PRKG1: variants seen among roughly 807,000 people sequenced by gnomAD.
PRKG1 encodes protein kinase cGMP-dependent 1.
A neutral mutation model predicts 88.1 loss-of-function variants in PRKG1; 35 were observed. The observed-to-expected ratio is 0.40, with a 90% CI of 0.30 to 0.53. PRKG1 has a LOEUF of 0.53. Among genes scored for constraint, PRKG1 ranks in the 20% least tolerant of loss-of-function variants. The pLI is 0.59. For missense variants in PRKG1, 540 were observed against 839.8 expected, an observed-to-expected ratio of 0.64 and a Z score of 4.41; for synonymous variants, 303 against 292.5, an observed-to-expected ratio of 1.04 and a Z score of -0.37.
intron 3 of PRKG1, among the ~76,000 whole-genome samples, chr10:51,637,371 A>C (rs548778242): frequency 1.3e-5 from 2 of 152,330 alleles, no homozygotes; most frequent in South Asian, 4.1e-4. Flanking sequence ...AATTCCTCAA[A>C]GACCTAGAGG....
At chr10:52,243,321 C>A (rs1426348817) in intron 9 of PRKG1, among the ~76,000 whole-genome samples, 1 of 152,130 alleles carries the variant, frequency 6.6e-6, no homozygotes, top group African/African-American at 2.4e-5. Flanking sequence ...ACAAAAACTG[C>A]AGATAGAATC....
At chr10:51,913,432 G>A (rs6480585) in intron 5 of PRKG1, among the ~76,000 whole-genome samples, 2 of 152,010 alleles carry the variant, frequency 1.3e-5, no homozygotes, top group African/African-American at 4.8e-5. Flanking sequence ...TGCACTCAAT[G>A]TTTAGCTGTC....
At chr10:52,155,586 A>T (rs1838069778) in intron 8 of PRKG1, among the ~76,000 whole-genome samples, 1 of 152,148 alleles carries the variant, frequency 6.6e-6, no homozygotes, top group African/African-American at 2.4e-5. Flanking sequence ...AAACCAATAC[A>T]ATTTCAACTT....
At position 51,476,929 on chromosome 10, in the gene PRKG1, A is replaced by G. The variant is rs367627894; in HGVS notation, c.592+9093A>G. Among the ~76,000 whole-genome samples the G allele has an allele frequency of 2.6e-5, 4 of 152,012 alleles. No individual in the cohort carries two copies. The South Asian group carries it at 8.3e-4, about 31-fold the overall frequency. ...ATGTACATGCCGCTTGGCTATGTGT[A>G]GAATCTCTAACCTTTACAATAGTCC... On this transcript the variant is annotated intron_variant, in intron 3 of 17. Coordinates refer to ENST00000373980, the MANE Select transcript of PRKG1 (RefSeq NM_006258.4).
At chr10:52,258,654 A>G (rs1841362576) in intron 10 of PRKG1, among the ~76,000 whole-genome samples, 1 of 152,114 alleles carries the variant, frequency 6.6e-6, no homozygotes. Context: ...CTGTTTTAAA[A>G]CATCCAAAAT....
intron 2 of PRKG1, among the ~76,000 whole-genome samples, chr10:51,180,215 G>A (rs1275863524): frequency 5.3e-5 from 8 of 152,168 alleles, no homozygotes; most frequent in Admixed American, 5.2e-4. Flanking sequence ...GTTTATGAGA[G>A]GGGTGGAATC....
chr10:52,188,241 CATAT>C (rs1446569678), intron 9 of PRKG1, among the ~76,000 whole-genome samples: 7 of 3,794 alleles, frequency 1.8e-3, no homozygotes, highest in South Asian at 0.02. Context: ...TATATATATA[CATAT>C]ATATGTGTAT....
rs1157867791 is a variant in PRKG1, at chr10:51,153,259, C to T, written c.407C>T (p.Pro136Leu). The change falls in exon 2 of 18, where the codon CCG becomes CTG. Residue 136 changes from proline to leucine, a missense_variant. Physicochemically the swap from Pro to Leu is moderately conservative, Grantham distance 98. This residue lies in a region of PRKG1 where 400 missense variants were observed against 562.7 expected (regional missense o/e 0.71). Transcript: ENST00000373980. ...CAGGAGATTGTGGATTGTATGTACC[C>T]GGTGGAGTATGGCAAGGACAGTTGC... The part of the protein sequence containing the change: ...QIQEIVDCMY[P>L]VEYGKDSCII... The T allele has an allele frequency of 4.3e-6, 7 of 1,612,330 alleles. No homozygotes were observed. The highest frequency in any genetic ancestry group is 2.2e-5 in the East Asian group (1 of 44,852).
chr10:51,888,243 A>C (rs1180533698), intron 4 of PRKG1, among the ~76,000 whole-genome samples: 1 of 152,212 alleles, frequency 6.6e-6, no homozygotes, highest in Non-Finnish European at 1.5e-5. Flanking sequence ...AACTGAAGTC[A>C]GGGGAATGTT....
At chr10:51,201,941 T>C (rs1252650627) in intron 2 of PRKG1, among the ~76,000 whole-genome samples, 2 of 152,254 alleles carry the variant, frequency 1.3e-5, no homozygotes, top group South Asian at 4.1e-4. Flanking sequence ...TGTAAGAATA[T>C]ACTAATGTAC....
intron 4 of PRKG1, among the ~76,000 whole-genome samples, chr10:51,813,501 C>T (rs1417187448): frequency 2.6e-5 from 4 of 152,098 alleles, no homozygotes; most frequent in Non-Finnish European, 4.4e-5. Flanking sequence ...CAAAATGCTG[C>T]AGATGTATTA....
chr10:51,928,855 A>G (rs935658968), intron 5 of PRKG1, among the ~76,000 whole-genome samples: 5 of 152,202 alleles, frequency 3.3e-5, no homozygotes, highest in African/African-American at 1.2e-4. Context: ...CTTCGCAATT[A>G]TATATAGTAG....
At chr10:51,209,398 A>G (rs1838153572) in intron 2 of PRKG1, among the ~76,000 whole-genome samples, 1 of 152,180 alleles carries the variant, frequency 6.6e-6, no homozygotes, top group Admixed American at 6.5e-5. Context: ...GGAATAAAAC[A>G]TCATGACTTA....
At chr10:51,512,784 T>G (rs1462015899) in intron 3 of PRKG1, among the ~76,000 whole-genome samples, 1 of 63,254 alleles carries the variant, frequency 1.6e-5, no homozygotes, top group Non-Finnish European at 3.2e-5. Flanking sequence ...ACTTCCACAA[T>G]GGTTGAACTA....
intron 4 of PRKG1, among the ~76,000 whole-genome samples, chr10:51,906,941 A>G (rs1312740603): frequency 1.3e-5 from 2 of 152,202 alleles, no homozygotes; most frequent in East Asian, 3.9e-4. Context: ...TCTTATTTCT[A>G]TAAAGAGTCT....
rs1200345418 is a variant in PRKG1 at position 51,960,509 on chromosome 10, AC to A, written c.762+52945del. Reference sequence around the variant, plus strand: ...TTTTTTCCTGCCCCCTCCCCACCACACCCCCCACCAAAAATAACCGTTTTCT... The same window carrying A: ...TTTTTTCCTGCCCCCTCCCCACCACACCCCCACCAAAAATAACCGTTTTCT... On this transcript the variant is annotated intron_variant, in intron 5 of 17. Coordinates refer to ENST00000373980, the MANE Select transcript of PRKG1 (RefSeq NM_006258.4). 6.7e-5 allele frequency among the ~76,000 whole-genome samples: 10 copies of A among 149,252 alleles called. 1 individual carries two copies. In the East Asian group the frequency reaches 2.0e-3, roughly 29 times the overall value.
intron 1 of PRKG1, among the ~76,000 whole-genome samples, chr10:51,014,151 T>TA (rs1206635965): frequency 3.3e-5 from 5 of 152,348 alleles, no homozygotes; most frequent in African/African-American, 1.2e-4. Context: ...TCTATTGCTG[T>TA]ATCTGTATGT....
At chr10:51,393,454 G>T (rs1462877421) in intron 2 of PRKG1, among the ~76,000 whole-genome samples, 1 of 152,132 alleles carries the variant, frequency 6.6e-6, no homozygotes, top group Non-Finnish European at 1.5e-5. Flanking sequence ...CTTCCCAGAC[G>T]GGGTGGCGGC....
intron 1 of PRKG1, among the ~76,000 whole-genome samples, chr10:50,992,088 G>A (rs1842789046): frequency 2.0e-5 from 3 of 152,114 alleles, no homozygotes; most frequent in Admixed American, 2.0e-4. Context: ...GACATGCTCA[G>A]TGGGGCTGTC....
Sources: allele counts gnomAD v4.1 joint callset (sites outside exome capture counted in the v4.1 genomes callset), GRCh38; gene constraint gnomAD v4.1.1; regional missense constraint gnomAD v4.1.1; transcripts MANE v1.5; gene names NCBI Gene and HGNC (gene_info 2026-07-23, HGNC 2026-07-21).